The following GAS7 variants were observed in gnomAD, a reference collection of about 807,000 sequenced individuals.
The protein encoded by GAS7 is growth arrest specific 7.
In GAS7, 28 loss-of-function variants were observed where a neutral mutation model predicts 71.1. The observed-to-expected ratio is 0.39, with a 90% CI of 0.29 to 0.54. The LOEUF is 0.54. GAS7 is among the 20% of genes least tolerant of loss of function. The pLI, the probability that GAS7 is intolerant of heterozygous loss-of-function variation, is 0.62. For synonymous variants in GAS7, 258 were observed against 245.8 expected (o/e 1.05, Z -0.46); for missense variants, 436 against 627.8 (o/e 0.69, Z 3.27).
At chr17:10,032,459 G>A (rs765857422) in intron 1 of GAS7, among the ~76,000 whole-genome samples, 5 of 152,304 alleles carry the variant, frequency 3.3e-5, no homozygotes, top group Non-Finnish European at 5.9e-5. Flanking sequence ...CAAAGGCCTA[G>A]GCATAAAGAG....
At chr17:10,022,862 T>A (rs1426296966) in intron 1 of GAS7, among the ~76,000 whole-genome samples, 1 of 152,166 alleles carries the variant, frequency 6.6e-6, no homozygotes, top group Non-Finnish European at 1.5e-5. Context: ...GGCAAACACC[T>A]GCTGGGGAGG....
intron 1 of GAS7, among the ~76,000 whole-genome samples, chr17:10,124,882 C>T (rs1343513621): frequency 2.0e-5 from 3 of 152,020 alleles, no homozygotes; most frequent in African/African-American, 7.3e-5. Context: ...CGCGCTACTG[C>T]ACTTCAGCCT....
At chr17:10,031,192 C>A (rs1028902000) in intron 1 of GAS7, among the ~76,000 whole-genome samples, 1 of 152,238 alleles carries the variant, frequency 6.6e-6, no homozygotes, top group African/African-American at 2.4e-5. Context: ...TGCAAACCCC[C>A]AGCACATCCC....
At chr17:10,165,263 G>A (rs1293425729) in intron 1 of GAS7, among the ~76,000 whole-genome samples, 1 of 137,764 alleles carries the variant, frequency 7.3e-6, no homozygotes, top group African/African-American at 2.8e-5. Flanking sequence ...CTGCACTCCA[G>A]CCTGTGCGAC....
intron 1 of GAS7, among the ~76,000 whole-genome samples, chr17:10,162,361 T>C (rs1031401647): frequency 6.6e-6 from 1 of 152,220 alleles, no homozygotes; most frequent in Non-Finnish European, 1.5e-5. Flanking sequence ...ATTTTATGAA[T>C]GGTGTGAACC....
chr17:10,178,173 C>T (rs1423992022), intron 1 of GAS7, among the ~76,000 whole-genome samples: 1 of 152,194 alleles, frequency 6.6e-6, no homozygotes, highest in African/African-American at 2.4e-5. Flanking sequence ...AGCACCAGGG[C>T]TGGGAGATGG....
chr17:10,179,511 A>ATT (rs1428296513), intron 1 of GAS7, among the ~76,000 whole-genome samples: 1 of 152,064 alleles, frequency 6.6e-6, no homozygotes, highest in Non-Finnish European at 1.5e-5. Context: ...CAATCCCCTT[A>ATT]ACCTCTTAAG....
chr17:10,051,007 T>C (rs1001487879), intron 1 of GAS7, among the ~76,000 whole-genome samples: 2 of 152,140 alleles, frequency 1.3e-5, no homozygotes, highest in East Asian at 3.8e-4. Context: ...TCCATGTGCT[T>C]ACCCCTAAAC....
At chr17:9,949,925 G>C (rs1471039556) in intron 5 of GAS7, among the ~76,000 whole-genome samples, 1 of 144,522 alleles carries the variant, frequency 6.9e-6, no homozygotes, top group African/African-American at 2.5e-5. Flanking sequence ...GCAGTGGCAC[G>C]ATCTCGGCTC....
intron 2 of GAS7, among the ~76,000 whole-genome samples, chr17:9,998,793 T>C (rs1292663225): frequency 6.6e-6 from 1 of 151,714 alleles, no homozygotes; most frequent in Non-Finnish European, 1.5e-5. Flanking sequence ...TTCCCATCCT[T>C]ACGCCTGCAT....
At chr17:10,045,155 G>A (rs1597743609) in intron 1 of GAS7, among the ~76,000 whole-genome samples, 1 of 152,116 alleles carries the variant, frequency 6.6e-6, no homozygotes, top group Non-Finnish European at 1.5e-5. Flanking sequence ...AGTGATGGGT[G>A]TAGACTTGGA....
rs947084956 is a variant in GAS7, at chr17:10,198,543, G to A, written c.-153C>T. On this transcript the variant is annotated 5_prime_UTR_variant, in exon 1 of 14. Coordinates refer to ENST00000432992, the MANE Select transcript of GAS7 (RefSeq NM_201433.2). ...GGGGTGCGCGGGGGTCCTCAGGCAG[G>A]CGGGGGACGCGCGCTCCGCGCCGGG... The A allele has an allele frequency of 3.1e-5, 13 of 419,802 alleles. No individual in the cohort carries two copies. Among genetic ancestry groups the A allele is most frequent in the African/African-American group, 1.1e-4 (5 of 46,632 alleles). 26.0% of individuals were successfully genotyped at this position (419,802 alleles called of 1,614,324 possible). A position where few individuals can be genotyped will look rare whatever the true frequency, so the allele number is the denominator to read the frequency against.
rs114799496 is a variant in GAS7 at position 10,054,755 on chromosome 17, G to A, written c.184-34858C>T. Among the ~76,000 whole-genome samples, 254 of 152,288 alleles carry A rather than the reference G, an allele frequency of 1.7e-3. 2 individuals carry two copies. The highest frequency in any genetic ancestry group is 5.8e-3 in the African/African-American group (242 of 41,558). On this transcript the variant is annotated intron_variant, in intron 1 of 13. Transcript: ENST00000432992. ...TAGCCAGGACCTCTTACACTGGTGGGTGCAGCTGGATGCCAGCTTCCACGG... is the reference window on the plus strand; with the variant it reads ...TAGCCAGGACCTCTTACACTGGTGGATGCAGCTGGATGCCAGCTTCCACGG...
intron 1 of GAS7, among the ~76,000 whole-genome samples, chr17:10,092,554 C>T (rs541670472): frequency 6.6e-6 from 1 of 152,204 alleles, no homozygotes; most frequent in Non-Finnish European, 1.5e-5. Flanking sequence ...GACATCTTGG[C>T]AGGTGAGCGT....
In GAS7 at chr17:10,103,010, C is replaced by G. The variant is rs1163722866; in HGVS notation, c.184-83113G>C. ...AGAGTGGGATCCAGGGAGGCACCAG[C>G]AGCATTCCTGTCGCCTAGAAGCTTG... On this transcript the variant is annotated intron_variant, in intron 1 of 13. Coordinates refer to ENST00000432992, the MANE Select transcript of GAS7 (RefSeq NM_201433.2). This position sits in a 1 kb window ranked among gnomAD's most constrained non-coding sequence, Gnocchi z 5.5. Among the ~76,000 whole-genome samples, 2 of 152,162 alleles carry G rather than the reference C, an allele frequency of 1.3e-5. No individual in the cohort carries two copies. The highest frequency in any genetic ancestry group is 4.8e-5 in the African/African-American group (2 of 41,424).
chr17:10,133,592 TA>T (rs2074015999), intron 1 of GAS7, among the ~76,000 whole-genome samples: 1 of 152,186 alleles, frequency 6.6e-6, no homozygotes, highest in South Asian at 2.1e-4. Context: ...TAGCAATTTT[TA>T]AAATATAATA....
chr17:10,148,861 G>C (rs2074141848), intron 1 of GAS7, among the ~76,000 whole-genome samples: 1 of 148,722 alleles, frequency 6.7e-6, no homozygotes, highest in Non-Finnish European at 1.5e-5. Context: ...AGTGAGCAGA[G>C]ATGGTGTCAC....
chr17:10,046,749 G>A (rs1163578752), intron 1 of GAS7, among the ~76,000 whole-genome samples: 19 of 66,964 alleles, frequency 2.8e-4, no homozygotes, highest in Admixed American at 6.3e-4. Context: ...AAAAAAAAAA[G>A]AAAAGAAAAG....
chr17:9,934,336 T>C (rs568267602), intron 8 of GAS7, 92 bp from the exon 9 acceptor site: 65 of 827,330 alleles, frequency 7.9e-5, no homozygotes, highest in Middle Eastern at 2.9e-4. Flanking sequence ...CGGGGAGGTA[T>C]ATGACAGCTG....
Sources: allele counts gnomAD v4.1 joint callset (sites outside exome capture counted in the v4.1 genomes callset), GRCh38; gene constraint gnomAD v4.1.1; non-coding constraint Gnocchi (gnomAD v3.1); transcripts MANE v1.5; gene names NCBI Gene and HGNC (gene_info 2026-07-23, HGNC 2026-07-21).